Variants in NAV2 observed in about 807,000 individuals in gnomAD.
NAV2 encodes neuron navigator 2.
A neutral mutation model predicts 223.2 loss-of-function variants in NAV2; 54 were observed. The ratio of observed to expected loss-of-function variants is 0.24; its 90% confidence interval spans 0.19 to 0.30. The LOEUF (loss-of-function observed/expected upper bound fraction) is 0.30. Ranked by LOEUF, NAV2 falls within the 10% of genes least tolerant of loss-of-function variation. NAV2 has a pLI of 1.00. For synonymous variants in NAV2, 1,279 were observed against 1,239.3 expected, an observed-to-expected ratio of 1.03 and a Z score of -0.67; for missense variants, 2,806 against 3,147.5, an observed-to-expected ratio of 0.89 and a Z score of 2.60.
chr11:19,836,603 T>G (rs2152924138), intron 2 of NAV2, among the ~76,000 whole-genome samples: 1 of 151,830 alleles, frequency 6.6e-6, no homozygotes, highest in African/African-American at 2.4e-5. Flanking sequence ...ATGAATGAAT[T>G]GCTTCTATAA....
chr11:19,439,398 C>T (rs1249215890), intron 1 of NAV2, among the ~76,000 whole-genome samples: 1 of 152,100 alleles, frequency 6.6e-6, no homozygotes, highest in Non-Finnish European at 1.5e-5. Context: ...CAACAAACCT[C>T]CTGAAATGAG....
intron 1 of NAV2, among the ~76,000 whole-genome samples, chr11:19,452,784 A>C (rs181856769): frequency 3.3e-5 from 5 of 152,328 alleles, no homozygotes; most frequent in Admixed American, 3.3e-4. Flanking sequence ...GGGTACTCAA[A>C]GTACTGTTTC....
Position 19,870,739 on chromosome 11 carries a change from T to C in NAV2, c.511+1742T>C, listed in dbSNP as rs1003350566. ...TGGAGTTTATAACAGCCTCAGTTTA[T>C]AGATGAAGAAACTTTGGTTTAAAGA... On this transcript the variant is annotated intron_variant, in intron 4 of 37. Coordinates refer to ENST00000349880, the MANE Select transcript of NAV2 (RefSeq NM_145117.5). Among the ~76,000 whole-genome samples, 7 of 152,198 alleles carry C rather than the reference T, an allele frequency of 4.6e-5. No individual in the cohort carries two copies. The South Asian group carries it at 1.5e-3, about 32-fold the overall frequency.
At chr11:19,379,060 G>A (rs1205315352) in intron 1 of NAV2, among the ~76,000 whole-genome samples, 1 of 152,186 alleles carries the variant, frequency 6.6e-6, no homozygotes, top group African/African-American at 2.4e-5. Context: ...GGGCAGAGAA[G>A]TTTCCTGGAA....
chr11:19,378,170 G>A (rs926073443), intron 1 of NAV2, among the ~76,000 whole-genome samples: 1 of 152,164 alleles, frequency 6.6e-6, no homozygotes, highest in African/African-American at 2.4e-5. Flanking sequence ...TCTCCCATCC[G>A]CTTCTGCTGT....
At chr11:19,648,313 C>G (rs960703612) in intron 1 of NAV2, among the ~76,000 whole-genome samples, 3 of 152,166 alleles carry the variant, frequency 2.0e-5, no homozygotes, top group African/African-American at 7.2e-5. Context: ...CTATACACAT[C>G]TCTTCCCCTG....
intron 11 of NAV2, among the ~76,000 whole-genome samples, chr11:20,021,435 C>T (rs912210114): frequency 6.6e-6 from 1 of 152,142 alleles, no homozygotes; most frequent in Non-Finnish European, 1.5e-5. Flanking sequence ...CTTTTTAGAG[C>T]GTGTGTGTGC....
Position 19,933,337 on chromosome 11 carries a change from G to A in NAV2, c.1093G>A (p.Val365Met), listed in dbSNP as rs1229718236. Reference sequence around the variant, plus strand: ...GCCTTGGCGCAGCAAATCCCTCAGCGTGAAGCACAGTGCCACGGTATCCAT... The same window carrying A: ...GCCTTGGCGCAGCAAATCCCTCAGCATGAAGCACAGTGCCACGGTATCCAT... The part of the protein sequence containing the change: ...TKPWRSKSLS[V>M]KHSATVSMLS... The change falls in exon 7 of 38, where the codon GTG (valine) becomes ATG (methionine). Residue 365 changes from valine to methionine, a missense_variant. Physicochemically the swap from Val to Met is conservative, Grantham distance 21 (BLOSUM62 1). Coordinates refer to ENST00000349880, the MANE Select transcript of NAV2 (RefSeq NM_145117.5). The surrounding 1 kb of genome is among the most constrained non-coding windows in gnomAD (Gnocchi z 4.3). The A allele has an allele frequency of 4.3e-6, 7 of 1,611,542 alleles. No homozygotes were observed. The highest frequency in any genetic ancestry group is 4.5e-5 in the East Asian group (2 of 44,834).
chr11:19,535,582 C>T (rs2044161391), intron 1 of NAV2, among the ~76,000 whole-genome samples: 1 of 152,148 alleles, frequency 6.6e-6, no homozygotes, highest in African/African-American at 2.4e-5. Flanking sequence ...TGGGAATTTG[C>T]CGTCTTGAAA....
rs1456766138 is a variant in NAV2, at chr11:19,933,681, G to A, written c.1437G>A (p.Lys479=). Reference sequence around the variant, plus strand: ...TTAGCCGGGCACTGACCAACAAGAAGAGTTCTCTGAAAGGCAATGAGAAAG... The same window carrying A: ...TTAGCCGGGCACTGACCAACAAGAAAAGTTCTCTGAAAGGCAATGAGAAAG... ...RTFSRALTNK[K]SSLKGNEKEK... The change falls in exon 7 of 38, where the codon AAG becomes AAA. Residue 479 remains lysine (K), a synonymous_variant. Transcript: ENST00000349880. The surrounding 1 kb of genome is among the most constrained non-coding windows in gnomAD (Gnocchi z 4.3). 6.2e-7 allele frequency: 1 copy of A among 1,614,178 alleles called. No homozygotes were observed. Among genetic ancestry groups the A allele is most frequent in the South Asian group, 1.1e-5 (1 of 91,078 alleles).
intron 26 of NAV2, among the ~76,000 whole-genome samples, chr11:20,088,172 G>T (rs1310639778): frequency 6.6e-6 from 1 of 152,132 alleles, no homozygotes; most frequent in Non-Finnish European, 1.5e-5. Context: ...TGCTGCAAAA[G>T]AATGTGTTTT....
In NAV2 at chr11:19,667,409, C is replaced by A. The variant is rs118191236; in HGVS notation, c.76-165075C>A. Among the ~76,000 whole-genome samples the A allele has an allele frequency of 7.0e-4, 106 of 152,212 alleles. No individual in the cohort carries two copies. In the East Asian group the frequency reaches 0.019, roughly 27 times the overall value. ...ACTATGGGCACAGGTGGAAGGTTGG[C>A]AATTTCTTCAGTCCAATCCAGATGG... On this transcript the variant is annotated intron_variant, in intron 1 of 37. Coordinates refer to the NAV2 transcript ENST00000360655.
chr11:19,901,756 A>G (rs2042465842), intron 6 of NAV2, among the ~76,000 whole-genome samples: 1 of 152,230 alleles, frequency 6.6e-6, no homozygotes, highest in African/African-American at 2.4e-5. Context: ...GGGTAGACTT[A>G]ACTACTTGCA....
At chr11:20,060,272 G>A (rs1409148316) in intron 19 of NAV2, among the ~76,000 whole-genome samples, 1 of 152,260 alleles carries the variant, frequency 6.6e-6, no homozygotes, top group Non-Finnish European at 1.5e-5. Context: ...GTGTGGCTAT[G>A]TGTTACACAC....
At chr11:19,996,755 C>G (rs988829572) in intron 11 of NAV2, among the ~76,000 whole-genome samples, 1 of 152,162 alleles carries the variant, frequency 6.6e-6, no homozygotes, top group Non-Finnish European at 1.5e-5. Flanking sequence ...GTTATTTTCG[C>G]TCGTCCACTG....
At chr11:19,962,970 C>T (rs1160109314) in intron 10 of NAV2, among the ~76,000 whole-genome samples, 8 of 152,186 alleles carry the variant, frequency 5.3e-5, no homozygotes, top group Non-Finnish European at 1.2e-4. Flanking sequence ...AATTAGAAAG[C>T]TCACATACTT....
intron 1 of NAV2, among the ~76,000 whole-genome samples, chr11:19,773,049 A>G (rs2055845954): frequency 6.6e-6 from 1 of 152,160 alleles, no homozygotes; most frequent in Non-Finnish European, 1.5e-5. Flanking sequence ...TGCTCAAGGA[A>G]ACACCAGTGG....
At chr11:19,776,711 T>C (rs969468421) in intron 1 of NAV2, among the ~76,000 whole-genome samples, 35 of 144,214 alleles carry the variant, frequency 2.4e-4, no homozygotes, top group Non-Finnish European at 4.6e-4. Flanking sequence ...GCATCCATCC[T>C]GCAGCCATAG....
chr11:19,810,868 T>C (rs2058802601), intron 1 of NAV2, among the ~76,000 whole-genome samples: 1 of 152,228 alleles, frequency 6.6e-6, no homozygotes, highest in Non-Finnish European at 1.5e-5. Flanking sequence ...ATTTCTCCTT[T>C]GTACCTTTTG....
Sources: gnomAD v4.1 joint callset for allele counts (sites outside exome capture counted in the v4.1 genomes callset) on GRCh38, gnomAD v4.1.1 for gene constraint, Gnocchi (gnomAD v3.1) non-coding constraint, MANE v1.5 for transcripts, NCBI Gene and HGNC (gene_info 2026-07-23, HGNC 2026-07-21) for gene names.